ASB13: variants seen among roughly 807,000 people sequenced by gnomAD.
The protein encoded by ASB13 is ankyrin repeat and SOCS box protein 13.
ASB13 carries 33 observed loss-of-function variants against 28.8 expected under a neutral mutation model. That is an observed-to-expected ratio of 1.15 (90% CI 0.87 to 1.53). ASB13 has a LOEUF of 1.53. Ranked by LOEUF, ASB13 falls within the 40% of genes most tolerant of loss-of-function variation. ASB13 has a pLI of 0.00. For synonymous variants in ASB13, 182 were observed against 172.9 expected, an observed-to-expected ratio of 1.05 and a Z score of -0.41; for missense variants, 414 against 390.1, an observed-to-expected ratio of 1.06 and a Z score of -0.52.
Position 5,664,668 on chromosome 10 carries a change from ATTTC to A in ASB13, c.43+1837_43+1840del, listed in dbSNP as rs1360521124. 3.9e-5 allele frequency among the ~76,000 whole-genome samples: 6 copies of A among 151,922 alleles called. No homozygotes were observed. The highest frequency in any genetic ancestry group is 1.9e-4 in the East Asian group (1 of 5,172). ...TCCATAGGGAATGCAGAATTTCTTT[ATTTC>A]TTTATTTATTTATTTTATTTATTTT... On this transcript the variant is annotated intron_variant, in intron 1 of 5. Transcript: ENST00000357700. The surrounding 1 kb of genome is among the most constrained non-coding windows in gnomAD (Gnocchi z 4.2).
chr10:5,665,244 G>A (rs982998737), intron 1 of ASB13, among the ~76,000 whole-genome samples: 2 of 152,286 alleles, frequency 1.3e-5, no homozygotes, highest in Admixed American at 6.5e-5. Flanking sequence ...CCTACGGTTC[G>A]CCTCTGGTGC....
At position 5,641,837 on chromosome 10, in the gene ASB13, G is replaced by A. The variant is rs755765474; in HGVS notation, c.642C>T (p.Arg214=). 9.9e-6 allele frequency: 16 copies of A among 1,613,434 alleles called. No individual in the cohort carries two copies. The East Asian group carries it at 1.1e-4, about 11-fold the overall frequency. Residue 214 remains arginine, a synonymous_variant, in exon 5 of 6, where the codon CGC becomes CGT. Coordinates refer to ENST00000357700, the MANE Select transcript of ASB13 (RefSeq NM_024701.4). This position sits in a 1 kb window ranked among gnomAD's most constrained non-coding sequence, Gnocchi z 8.4. ...FGGNIYARDN[R]GKKPSDYTWS... ...ACGTGTAGTCAGACGGCTTCTTCCC[G>A]CGGTTGTCCCGGGCGTAGATGTTGC...
intron 4 of ASB13, among the ~76,000 whole-genome samples, chr10:5,643,257 A>T (rs990627183): frequency 1.3e-5 from 2 of 152,182 alleles, no homozygotes; most frequent in Non-Finnish European, 2.9e-5. Flanking sequence ...ACAGTCTCAG[A>T]GGGTCAAAAG....
chr10:5,663,043 T>C lies in ASB13; in HGVS notation c.43+3466A>G, dbSNP rs1450622110. The stretch of plus-strand genomic sequence containing the variant: ...TTTTTCAACCATGTCTTTTTAAATG[T>C]TTTCATTATGAATCCCCAAAATATA... On this transcript the variant is annotated intron_variant, in intron 1 of 5. Transcript: ENST00000357700. This position sits in a 1 kb window ranked among gnomAD's most constrained non-coding sequence, Gnocchi z 4.9. 6.6e-6 allele frequency among the ~76,000 whole-genome samples: 1 copy of C among 152,206 alleles called. No homozygotes were observed. Among genetic ancestry groups the C allele is most frequent in the Non-Finnish European group, 1.5e-5 (1 of 68,030 alleles).
intron 1 of ASB13, among the ~76,000 whole-genome samples, chr10:5,657,898 A>G (rs903597371): frequency 6.6e-6 from 1 of 152,216 alleles, no homozygotes; most frequent in African/African-American, 2.4e-5. Context: ...CTGTAATCCC[A>G]GCACTTTGGG....
rs1160701766 is a variant in ASB13 at position 5,663,608 on chromosome 10, T to C, written c.43+2901A>G. Among the ~76,000 whole-genome samples the C allele has an allele frequency of 6.6e-6, 1 of 152,164 alleles. No individual in the cohort carries two copies. Among genetic ancestry groups the C allele is most frequent in the Admixed American group, 6.5e-5 (1 of 15,276 alleles). On this transcript the variant is annotated intron_variant, in intron 1 of 5. Transcript: ENST00000357700. This position sits in a 1 kb window ranked among gnomAD's most constrained non-coding sequence, Gnocchi z 4.9. ...GGGACGCTTTTCACCCTAAATCACC[T>C]AAGCCTCAGTTTCCTTAGGACAGCA... is the stretch of plus-strand genomic sequence containing the variant.
At chr10:5,662,803 T>C (rs1835197680) in intron 1 of ASB13, among the ~76,000 whole-genome samples, 1 of 152,160 alleles carries the variant, frequency 6.6e-6, no homozygotes, top group African/African-American at 2.4e-5. Context: ...AAGGATCTCA[T>C]GGTGACAACT....
chr10:5,642,209 C>G lies in ASB13; in HGVS notation c.518-248G>C, dbSNP rs555236676. ...ATAAAGAAATAACTAGAAATAGAAC[C>G]GAAAAGAAGAAAAATAAAACGAAAA... is the stretch of plus-strand genomic sequence containing the variant. On this transcript the variant is annotated intron_variant, in intron 4 of 5. Coordinates refer to ENST00000357700, the MANE Select transcript of ASB13 (RefSeq NM_024701.4). The surrounding 1 kb of genome is among the most constrained non-coding windows in gnomAD (Gnocchi z 4.1). Among the ~76,000 whole-genome samples, 1 of 151,980 alleles carries G rather than the reference C, an allele frequency of 6.6e-6. No homozygotes were observed. Among genetic ancestry groups the G allele is most frequent in the Admixed American group, 6.6e-5 (1 of 15,258 alleles).
chr10:5,639,765 G>A lies in ASB13; in HGVS notation c.*938C>T, dbSNP rs1834777428. 1.3e-5 allele frequency: 2 copies of A among 152,296 alleles called. No homozygotes were observed. Among genetic ancestry groups the A allele is most frequent in the African/African-American group, 4.8e-5 (2 of 41,478 alleles). 9.4% of individuals were successfully genotyped at this position (152,296 alleles called of 1,614,324 possible). On this transcript the variant is annotated 3_prime_UTR_variant, in exon 6 of 6. Coordinates refer to ENST00000357700, the MANE Select transcript of ASB13 (RefSeq NM_024701.4). ...AGCTTCAAGGAGTTAGCAAACTGTAGGGTGGGTGAAGAATTCATTTGACAA... is the reference window on the plus strand; with the variant it reads ...AGCTTCAAGGAGTTAGCAAACTGTAAGGTGGGTGAAGAATTCATTTGACAA...
rs371359085 is a variant in ASB13 at position 5,648,840 on chromosome 10, CGGTAAACACCCACTCG to C, written c.517+114_517+129del. The stretch of plus-strand genomic sequence containing the variant: ...CACCCACGCGGGCAAACATCCACTC[CGGTAAACACCCACTCG>C]GGTAAACACCCACTCGGGCAAACAC... On this transcript the variant is annotated intron_variant, in intron 4 of 5. Transcript: ENST00000357700. 264 of 1,451,242 alleles carry C rather than the reference CGGTAAACACCCACTCG, an allele frequency of 1.8e-4. 3 individuals carry two copies. The African/African-American group carries it at 3.4e-3, about 19-fold the overall frequency. 89.9% of individuals were successfully genotyped at this position (1,451,242 alleles called of 1,614,324 possible). A position where few individuals can be genotyped will look rare whatever the true frequency, so the allele number is the denominator to read the frequency against.
In ASB13 at chr10:5,641,283, G is replaced by A. The variant is rs1168260892; in HGVS notation, c.710-453C>T. Among the ~76,000 whole-genome samples, 1 of 152,082 alleles carries A rather than the reference G, an allele frequency of 6.6e-6. No individual in the cohort carries two copies. The highest frequency in any genetic ancestry group is 1.5e-5 in the Non-Finnish European group (1 of 68,030). Reference sequence around the variant, plus strand: ...TGCCCGCCTAATTTTTATATTTTTAGTAGAGATGGGGTTTCATCAAGTTGG... The same window carrying A: ...TGCCCGCCTAATTTTTATATTTTTAATAGAGATGGGGTTTCATCAAGTTGG... On this transcript the variant is annotated intron_variant, in intron 5 of 5. Coordinates refer to ENST00000357700, the MANE Select transcript of ASB13 (RefSeq NM_024701.4). The surrounding 1 kb of genome is among the most constrained non-coding windows in gnomAD (Gnocchi z 8.4).
rs1703775115 is a variant in ASB13, at chr10:5,649,644, G to A, written c.383-540C>T. On this transcript the variant is annotated intron_variant, in intron 3 of 5. Coordinates refer to ENST00000357700, the MANE Select transcript of ASB13 (RefSeq NM_024701.4). The surrounding 1 kb of genome is among the most constrained non-coding windows in gnomAD (Gnocchi z 6.4). ...GGGTTAAAGCGATTCTCCCACCTCAGCCTCCCAAATAGCTGGAATTACAGG... is the reference window on the plus strand; with the variant it reads ...GGGTTAAAGCGATTCTCCCACCTCAACCTCCCAAATAGCTGGAATTACAGG... Among the ~76,000 whole-genome samples the A allele has an allele frequency of 6.6e-6, 1 of 150,946 alleles. No homozygotes were observed. Among genetic ancestry groups the A allele is most frequent in the South Asian group, 2.1e-4 (1 of 4,818 alleles).
intron 1 of ASB13, among the ~76,000 whole-genome samples, chr10:5,653,533 G>C (rs1253501190): frequency 6.6e-6 from 1 of 152,210 alleles, no homozygotes; most frequent in Non-Finnish European, 1.5e-5. Flanking sequence ...TCCTGCACTC[G>C]AGTGCCTTGA....
chr10:5,657,444 A>G (rs956424202), intron 1 of ASB13, among the ~76,000 whole-genome samples: 1 of 152,200 alleles, frequency 6.6e-6, no homozygotes, highest in Non-Finnish European at 1.5e-5. Flanking sequence ...CAAGGTCACT[A>G]ATCATTAAAG....
Position 5,641,504 on chromosome 10 carries a change from C to G in ASB13, c.709+266G>C, listed in dbSNP as rs1184890447. 6.6e-6 allele frequency among the ~76,000 whole-genome samples: 1 copy of G among 152,232 alleles called. No individual in the cohort carries two copies. The highest frequency in any genetic ancestry group is 6.5e-5 in the Admixed American group (1 of 15,284). On this transcript the variant is annotated intron_variant, in intron 5 of 5. Coordinates refer to ENST00000357700, the MANE Select transcript of ASB13 (RefSeq NM_024701.4). The surrounding 1 kb of genome is among the most constrained non-coding windows in gnomAD (Gnocchi z 8.4). ...GCTAGGAGGCTCATCTGTCAAATGT[C>G]CAGCACAGGAGGCACAGGTCTGGTG...
chr10:5,653,152 C>T lies in ASB13; in HGVS notation c.44-102G>A, dbSNP rs920322632. 2.3e-5 allele frequency: 27 copies of T among 1,177,518 alleles called. No individual in the cohort carries two copies. The East Asian group carries it at 4.7e-4, about 20-fold the overall frequency. 72.9% of individuals were successfully genotyped at this position (1,177,518 alleles called of 1,614,324 possible). ...GTCCCTGATGCCACCAAGGCACCAT[C>T]CGTGATCATGCAATTGTCCCAGCAC... is the stretch of plus-strand genomic sequence containing the variant. On this transcript the variant is annotated intron_variant, in intron 1 of 5. Transcript: ENST00000357700.
chr10:5,662,758 C>G (rs976349188), intron 1 of ASB13, among the ~76,000 whole-genome samples: 1 of 152,102 alleles, frequency 6.6e-6, no homozygotes, highest in Non-Finnish European at 1.5e-5. Flanking sequence ...GCTAAATCCA[C>G]AAAGACAAAG....
At position 5,645,212 on chromosome 10, in the gene ASB13, T is replaced by C. The variant is rs1381912896; in HGVS notation, c.518-3251A>G. Among the ~76,000 whole-genome samples the C allele has an allele frequency of 6.6e-6, 1 of 151,116 alleles. No homozygotes were observed. Among genetic ancestry groups the C allele is most frequent in the African/African-American group, 2.4e-5 (1 of 41,056 alleles). On this transcript the variant is annotated intron_variant, in intron 4 of 5. Coordinates refer to ENST00000357700, the MANE Select transcript of ASB13 (RefSeq NM_024701.4). This position sits in a 1 kb window ranked among gnomAD's most constrained non-coding sequence, Gnocchi z 5.4. The stretch of plus-strand genomic sequence containing the variant: ...TGGAACATAAACACAAATAGCTCAA[T>C]AGGTGCTTGTTACCACAAGAGAAAT...
At position 5,639,790 on chromosome 10, in the gene ASB13, AC is replaced by A. The variant is rs1156851975; in HGVS notation, c.*912del. 1 of 2,132 alleles carries A rather than the reference AC, an allele frequency of 4.7e-4. No homozygotes were observed. The highest frequency in any genetic ancestry group is 1.9e-3 in the Non-Finnish European group (1 of 528). The allele number at this position is 2,132 out of a possible 1,614,324, so 0.1% of individuals were successfully genotyped here. On this transcript the variant is annotated 3_prime_UTR_variant, in exon 6 of 6. Transcript: ENST00000357700. ...GGGTGGGTGAAGAATTCATTTGACAACCATAGAAACAGATGAAAAACAATTC... is the reference window on the plus strand; with the variant it reads ...GGGTGGGTGAAGAATTCATTTGACAACATAGAAACAGATGAAAAACAATTC...
Sources: allele counts gnomAD v4.1 joint callset (sites outside exome capture counted in the v4.1 genomes callset), GRCh38; gene constraint gnomAD v4.1.1; non-coding constraint Gnocchi (gnomAD v3.1); transcripts MANE v1.5; gene names NCBI Gene and HGNC (gene_info 2026-07-23, HGNC 2026-07-21).